Variants in NEGR1 observed in about 807,000 individuals in gnomAD.
NEGR1 encodes the protein IgLON family member 4.
In NEGR1, 10 loss-of-function variants were observed where a neutral mutation model predicts 40.9. That is an observed-to-expected ratio of 0.24 (90% CI 0.15 to 0.42). NEGR1 has a LOEUF of 0.42. Ranked by LOEUF, NEGR1 falls within the 10% of genes least tolerant of loss-of-function variation. The probability of loss-of-function intolerance (pLI) is 1.00; values close to 1 mark genes in which losing one functional copy is unlikely to be tolerated. For synonymous variants in NEGR1, 185 were observed against 166.8 expected (o/e 1.11, Z -0.84); for missense variants, 352 against 438.9 (o/e 0.80, Z 1.77).
intron 2 of NEGR1, among the ~76,000 whole-genome samples, chr1:71,857,350 G>A (rs1482804734): frequency 6.6e-6 from 1 of 150,922 alleles, no homozygotes; most frequent in Non-Finnish European, 1.5e-5. Flanking sequence ...TGTGGCTCAT[G>A]CCTGTATTCC....
At chr1:71,549,405 T>C (rs1648002213) in intron 6 of NEGR1, among the ~76,000 whole-genome samples, 1 of 151,726 alleles carries the variant, frequency 6.6e-6, no homozygotes, top group Non-Finnish European at 1.5e-5. Context: ...CTCCATGCTT[T>C]GGCACAGAAG....
chr1:71,689,157 C>A (rs1242013210), intron 4 of NEGR1, among the ~76,000 whole-genome samples: 1 of 152,086 alleles, frequency 6.6e-6, no homozygotes, highest in Non-Finnish European at 1.5e-5. Context: ...GCCAACAATG[C>A]GTAATAGAAC....
intron 4 of NEGR1, among the ~76,000 whole-genome samples, chr1:71,686,528 C>A (rs1179422233): frequency 1.3e-5 from 2 of 152,060 alleles, no homozygotes; most frequent in Admixed American, 6.5e-5. Flanking sequence ...GCAGAGCATG[C>A]GTGGGAAGTT....
chr1:72,186,635 A>G (rs565452251), intron 1 of NEGR1, among the ~76,000 whole-genome samples: 42 of 151,792 alleles, frequency 2.8e-4, no homozygotes, highest in African/African-American at 8.7e-4. Context: ...TATAAGCTCA[A>G]TAAAATCAGA....
chr1:71,662,076 T>C (rs1245217448), intron 4 of NEGR1, among the ~76,000 whole-genome samples: 1 of 152,218 alleles, frequency 6.6e-6, no homozygotes, highest in East Asian at 1.9e-4. Context: ...TGGGAAGCAG[T>C]ATCATCTAGG....
intron 1 of NEGR1, among the ~76,000 whole-genome samples, chr1:72,133,598 C>T (rs2100319160): frequency 6.6e-6 from 1 of 151,850 alleles, no homozygotes; most frequent in South Asian, 2.1e-4. Flanking sequence ...GGTTGAAATT[C>T]CCTCATATTT....
intron 6 of NEGR1, among the ~76,000 whole-genome samples, chr1:71,438,433 CT>C (rs1187599089): frequency 8.5e-5 from 13 of 152,112 alleles, no homozygotes; most frequent in African/African-American, 2.4e-4. Flanking sequence ...CTGAAAGCTA[CT>C]CTGCATAATA....
intron 1 of NEGR1, among the ~76,000 whole-genome samples, chr1:71,941,329 C>T (rs1645957313): frequency 6.7e-6 from 1 of 149,332 alleles, no homozygotes; most frequent in Non-Finnish European, 1.5e-5. Context: ...CATCTTTCTC[C>T]CCTACCTTTG....
At chr1:71,668,603 G>A (rs1652317043) in intron 4 of NEGR1, among the ~76,000 whole-genome samples, 2 of 152,230 alleles carry the variant, frequency 1.3e-5, no homozygotes, top group South Asian at 4.1e-4. Flanking sequence ...AAACGTGACT[G>A]AAAGGACTTA....
intron 3 of NEGR1, among the ~76,000 whole-genome samples, chr1:71,743,234 T>C (rs17091704): frequency 0.089 from 13,490 of 152,136 alleles, 818 homozygotes; most frequent in East Asian, 0.17. Flanking sequence ...CCAGGATCTA[T>C]GGAGGATCAA....
intron 2 of NEGR1, among the ~76,000 whole-genome samples, chr1:71,787,079 C>A (rs1422014010): frequency 1.3e-5 from 2 of 152,162 alleles, no homozygotes; most frequent in African/African-American, 2.4e-5. Context: ...GCCCTGACTG[C>A]CTAAGTCATC....
At chr1:71,982,268 T>G (rs1395642650) in intron 1 of NEGR1, among the ~76,000 whole-genome samples, 1 of 152,166 alleles carries the variant, frequency 6.6e-6, no homozygotes, top group Non-Finnish European at 1.5e-5. Flanking sequence ...TAAACCCATG[T>G]GCTTTTACAT....
chr1:71,992,987 T>C (rs904280226), intron 1 of NEGR1, among the ~76,000 whole-genome samples: 2 of 152,136 alleles, frequency 1.3e-5, no homozygotes, highest in African/African-American at 4.8e-5. Flanking sequence ...AGTAAATGAG[T>C]ATATGTACTC....
chr1:72,172,074 T>C (rs990457143), intron 1 of NEGR1, among the ~76,000 whole-genome samples: 4 of 152,162 alleles, frequency 2.6e-5, no homozygotes, highest in Non-Finnish European at 5.9e-5. Context: ...CTAAACATTT[T>C]GATATTATGA....
At chr1:72,019,553 C>A (rs1400121219) in intron 1 of NEGR1, among the ~76,000 whole-genome samples, 1 of 152,110 alleles carries the variant, frequency 6.6e-6, no homozygotes, top group South Asian at 2.1e-4. Flanking sequence ...CAGGAATGAA[C>A]CCTTGATCAG....
intron 3 of NEGR1, among the ~76,000 whole-genome samples, chr1:71,741,218 T>A (rs887703564): frequency 3.3e-5 from 5 of 152,308 alleles, no homozygotes; most frequent in Non-Finnish European, 7.4e-5. Flanking sequence ...TTGGCAATTG[T>A]AGCTGCAGAA....
intron 1 of NEGR1, among the ~76,000 whole-genome samples, chr1:71,951,246 A>G (rs1275740281): frequency 6.6e-6 from 1 of 151,988 alleles, no homozygotes; most frequent in Non-Finnish European, 1.5e-5. Context: ...ATAATGAGAA[A>G]CAGTTGCCTT....
chr1:71,609,466 C>CATCACG (rs1650174397), intron 5 of NEGR1, among the ~76,000 whole-genome samples: 1 of 123,244 alleles, frequency 8.1e-6, no homozygotes, highest in Non-Finnish European at 1.6e-5. Flanking sequence ...AGTGAGCCGA[C>CATCACG]ATCACGCCAC....
chr1:72,045,407 C>T (rs993759448), intron 1 of NEGR1, among the ~76,000 whole-genome samples: 2 of 151,748 alleles, frequency 1.3e-5, no homozygotes, highest in African/African-American at 2.4e-5. Context: ...CAAACTTCAT[C>T]TTGTAGCTTC....
Sources: allele counts gnomAD v4.1 joint callset (sites outside exome capture counted in the v4.1 genomes callset), GRCh38; gene constraint gnomAD v4.1.1; transcripts MANE v1.5; gene names NCBI Gene and HGNC (gene_info 2026-07-23, HGNC 2026-07-21).